SMIM14: variants seen among roughly 807,000 people sequenced by gnomAD.
SMIM14 encodes small integral membrane protein 14.
In SMIM14, 5 loss-of-function variants were observed where a neutral mutation model predicts 12.6. That is an observed-to-expected ratio of 0.40 (90% CI 0.21 to 0.83). SMIM14 has a LOEUF of 0.83. SMIM14 is among the 40% of genes least tolerant of loss of function. SMIM14 has a pLI of 0.37. For synonymous variants in SMIM14, 30 were observed against 40.1 expected, an observed-to-expected ratio of 0.75 and a Z score of 0.95; for missense variants, 86 against 119.1, an observed-to-expected ratio of 0.72 and a Z score of 1.29.
chr4:39,619,885 T>A (rs1715416420), intron 1 of SMIM14, among the ~76,000 whole-genome samples: 1 of 142,520 alleles, frequency 7.0e-6, no homozygotes, highest in African/African-American at 2.6e-5. Context: ...TATTTTTTTT[T>A]TTTTAAGAGC....
rs1196147494 is a variant in SMIM14 at position 39,548,260 on chromosome 4, G to A, written c.*3866C>T. The A allele has an allele frequency of 6.6e-6, 1 of 151,868 alleles. No individual in the cohort carries two copies. Among genetic ancestry groups the A allele is most frequent in the Non-Finnish European group, 1.5e-5 (1 of 68,040 alleles). The allele number at this position is 151,868 out of a possible 1,614,324, so 9.4% of individuals were successfully genotyped here. On this transcript the variant is annotated 3_prime_UTR_variant, in exon 5 of 5. Coordinates refer to ENST00000295958, the MANE Select transcript of SMIM14 (RefSeq NM_174921.3). Reference sequence around the variant, plus strand: ...AATGTTAACTTTTCCCACATGGAAAGCAAAACAAAACAAAACAAAACAAAC... The same window carrying A: ...AATGTTAACTTTTCCCACATGGAAAACAAAACAAAACAAAACAAAACAAAC...
At position 39,548,948 on chromosome 4, in the gene SMIM14, A is replaced by C. The variant is rs1313946068; in HGVS notation, c.*3178T>G. On this transcript the variant is annotated 3_prime_UTR_variant, in exon 5 of 5. Coordinates refer to ENST00000295958, the MANE Select transcript of SMIM14 (RefSeq NM_174921.3). ...GGTGGCTCACATCTGTAATCCTAGC[A>C]CTTTGGGAGGCCATAGTGGGTGGAT... 2 of 152,354 alleles carry C rather than the reference A, an allele frequency of 1.3e-5. No individual in the cohort carries two copies. The highest frequency in any genetic ancestry group is 2.1e-4 in the South Asian group (1 of 4,824). The allele number at this position is 152,354 out of a possible 1,614,324, so 9.4% of individuals were successfully genotyped here.
rs572576284 is a variant in SMIM14, at chr4:39,620,600, G to A, written c.-35-15420C>T. On this transcript the variant is annotated intron_variant, in intron 1 of 4. Transcript: ENST00000295958. Reference sequence around the variant, plus strand: ...TCCTCTGGCCTCAGCCTCCCAAAGTGCTGGGATTATAGGCGTGAGCCATTG... The same window carrying A: ...TCCTCTGGCCTCAGCCTCCCAAAGTACTGGGATTATAGGCGTGAGCCATTG... Among the ~76,000 whole-genome samples, 3 of 152,312 alleles carry A rather than the reference G, an allele frequency of 2.0e-5. No homozygotes were observed. The East Asian group carries it at 5.8e-4, about 29-fold the overall frequency.
At chr4:39,588,320 G>A (rs781717623) in intron 2 of SMIM14, among the ~76,000 whole-genome samples, 13 of 152,152 alleles carry the variant, frequency 8.5e-5, no homozygotes, top group Non-Finnish European at 1.5e-4. Flanking sequence ...GAAGGGAAGA[G>A]TGCTTGAGGC....
chr4:39,618,366 A>G (rs1229385148), intron 1 of SMIM14, among the ~76,000 whole-genome samples: 6 of 152,162 alleles, frequency 3.9e-5, no homozygotes, highest in Non-Finnish European at 8.8e-5. Flanking sequence ...GTCTAATTAA[A>G]ATGGGGCTCC....
intron 3 of SMIM14, among the ~76,000 whole-genome samples, chr4:39,557,196 G>C (rs1176653676): frequency 6.6e-6 from 1 of 151,930 alleles, no homozygotes; most frequent in East Asian, 1.9e-4. Flanking sequence ...ATTTCTAGTT[G>C]AGACGGGGTT....
rs1711675316 is a variant in SMIM14, at chr4:39,551,020, C to T, written c.*1106G>A. 2 of 152,140 alleles carry T rather than the reference C, an allele frequency of 1.3e-5. No individual in the cohort carries two copies. The highest frequency in any genetic ancestry group is 2.4e-5 in the African/African-American group (1 of 41,404). The allele number at this position is 152,140 out of a possible 1,614,324, so 9.4% of individuals were successfully genotyped here. A position where few individuals can be genotyped will look rare whatever the true frequency, so the allele number is the denominator to read the frequency against. On this transcript the variant is annotated 3_prime_UTR_variant, in exon 5 of 5. Transcript: ENST00000295958. ...CACCTCCCGGGTTCAAGCAATTCTC[C>T]TGCTTTGGCCTCCTGAGTAGCTGGG...
rs1235363856 is a variant in SMIM14, at chr4:39,576,711, T to A, written c.76-4248A>T. Among the ~76,000 whole-genome samples, 183 of 72,816 alleles carry A rather than the reference T, an allele frequency of 2.5e-3. 3 individuals are homozygous for A. Among genetic ancestry groups the A allele is most frequent in the African/African-American group, 0.011 (171 of 15,550 alleles). The allele number at this position is 72,816 out of a possible 152,430, so 47.8% of individuals were successfully genotyped here. On this transcript the variant is annotated intron_variant, in intron 2 of 4. Coordinates refer to ENST00000295958, the MANE Select transcript of SMIM14 (RefSeq NM_174921.3). ...TTTTTTTTTTTTTTTTTTTTTTTTTTTTTTTTTTTTTTTGAGACGGAGTCT... is the reference window on the plus strand; with the variant it reads ...TTTTTTTTTTTTTTTTTTTTTTTTTATTTTTTTTTTTTTGAGACGGAGTCT...
At chr4:39,634,859 A>C (rs552512623) in intron 1 of SMIM14, among the ~76,000 whole-genome samples, 2 of 152,322 alleles carry the variant, frequency 1.3e-5, no homozygotes, top group South Asian at 4.1e-4. Flanking sequence ...CCTACAATAG[A>C]CAGTATGTTC....
intron 1 of SMIM14, among the ~76,000 whole-genome samples, chr4:39,613,917 CG>C (rs1715121038): frequency 6.6e-6 from 1 of 152,002 alleles, no homozygotes; most frequent in Admixed American, 6.6e-5. Context: ...TAGCCAGGCA[CG>C]GTGGGCTCAT....
chr4:39,552,216 A>T (rs1711754686), intron 4 of SMIM14, 58 bp from the exon 5 acceptor site: 1 of 1,413,916 alleles, frequency 7.1e-7, no homozygotes, highest in Non-Finnish European at 9.5e-7. Context: ...AAAAAAATTT[A>T]AAATTTATTA....
chr4:39,629,238 G>A (rs1294401741), intron 1 of SMIM14, among the ~76,000 whole-genome samples: 1 of 150,616 alleles, frequency 6.6e-6, no homozygotes, highest in African/African-American at 2.4e-5. Context: ...GTGCACATCT[G>A]TAATCCCAGC....
chr4:39,558,717 T>C lies in SMIM14; in HGVS notation c.125-2147A>G, dbSNP rs1384597485. ...AAGGAGGAGAGCAGTTTCTTTTTTT[T>C]GTTTGTTTTTTTGAGACAGAGTCTT... On this transcript the variant is annotated intron_variant, in intron 3 of 4. Coordinates refer to ENST00000295958, the MANE Select transcript of SMIM14 (RefSeq NM_174921.3). This position sits in a 1 kb window ranked among gnomAD's most constrained non-coding sequence, Gnocchi z 4.3. 6.6e-6 allele frequency among the ~76,000 whole-genome samples: 1 copy of C among 152,228 alleles called. No homozygotes were observed. Among genetic ancestry groups the C allele is most frequent in the Non-Finnish European group, 1.5e-5 (1 of 68,042 alleles).
At chr4:39,585,455 C>G (rs4388096) in intron 2 of SMIM14, among the ~76,000 whole-genome samples, 87,758 of 150,900 alleles carry the variant, frequency 0.58, 29,253 homozygotes, top group Middle Eastern at 0.81. Flanking sequence ...CGCCACCATG[C>G]CCAGCTAATT....
rs1438387761 is a variant in SMIM14 at position 39,551,385 on chromosome 4, T to C, written c.*741A>G. 2 of 152,658 alleles carry C rather than the reference T, an allele frequency of 1.3e-5. No individual in the cohort carries two copies. The highest frequency in any genetic ancestry group is 3.8e-4 in the East Asian group (2 of 5,200). The allele number at this position is 152,658 out of a possible 1,614,324, so 9.5% of individuals were successfully genotyped here. A position where few individuals can be genotyped will look rare whatever the true frequency, so the allele number is the denominator to read the frequency against. On this transcript the variant is annotated 3_prime_UTR_variant, in exon 5 of 5. Coordinates refer to ENST00000295958, the MANE Select transcript of SMIM14 (RefSeq NM_174921.3). Reference sequence around the variant, plus strand: ...CCTTGTAAGGCTAGTGTTGAGTGGCTTACAAATGTCATATAATGGACTGTA... The same window carrying C: ...CCTTGTAAGGCTAGTGTTGAGTGGCCTACAAATGTCATATAATGGACTGTA...
chr4:39,589,909 G>A (rs1304521935), intron 2 of SMIM14, among the ~76,000 whole-genome samples: 3 of 150,600 alleles, frequency 2.0e-5, no homozygotes, highest in South Asian at 2.1e-4. Flanking sequence ...GTGTGGTGGC[G>A]TGCACCTGTA....
intron 1 of SMIM14, among the ~76,000 whole-genome samples, chr4:39,632,570 G>C (rs1239660406): frequency 6.6e-6 from 1 of 151,760 alleles, no homozygotes; most frequent in African/African-American, 2.4e-5. Flanking sequence ...AAGCCAGGTG[G>C]ACTGCATGAG....
At chr4:39,619,877 T>TGTATA (rs1553866681) in intron 1 of SMIM14, among the ~76,000 whole-genome samples, 2 of 80,494 alleles carry the variant, frequency 2.5e-5, no homozygotes, top group African/African-American at 4.4e-5. Flanking sequence ...TATATATATA[T>TGTATA]TTTTTTTTTT....
At chr4:39,572,608 G>A in intron 2 of SMIM14, 145 bp from the exon 3 acceptor site, 1 of 650,682 alleles carries the variant, frequency 1.5e-6, no homozygotes, top group Non-Finnish European at 2.7e-6. Flanking sequence ...GATTGTTTGA[G>A]CTCAGACATT....
Sources: gnomAD v4.1 joint callset for allele counts (sites outside exome capture counted in the v4.1 genomes callset) on GRCh38, gnomAD v4.1.1 for gene constraint, Gnocchi (gnomAD v3.1) non-coding constraint, MANE v1.5 for transcripts, NCBI Gene and HGNC (gene_info 2026-07-23, HGNC 2026-07-21) for gene names.